Variants in PTPRM observed in about 807,000 individuals in gnomAD.
PTPRM encodes protein tyrosine phosphatase receptor type M, also known as receptor-type tyrosine-protein phosphatase mu.
A neutral mutation model predicts 186.7 loss-of-function variants in PTPRM; 47 were observed. That is an observed-to-expected ratio of 0.25 (90% CI 0.20 to 0.32). The LOEUF (loss-of-function observed/expected upper bound fraction) is 0.32, where lower values mean the gene tolerates loss of function less well. Among genes scored for constraint, PTPRM ranks in the 10% least tolerant of loss-of-function variants. The pLI, the probability that PTPRM is intolerant of heterozygous loss-of-function variation, is 1.00. For missense variants in PTPRM, 1,494 were observed against 1,865.0 expected (o/e 0.80, Z 3.66); for synonymous variants, 668 against 674.9 (o/e 0.99, Z 0.16).
At chr18:8,349,981 C>T (rs2095525789) in intron 23 of PTPRM, among the ~76,000 whole-genome samples, 1 of 152,194 alleles carries the variant, frequency 6.6e-6, no homozygotes, top group Non-Finnish European at 1.5e-5. Flanking sequence ...CCATTATCAA[C>T]TAAGACAGAA....
chr18:7,746,662 C>T (rs2040994885), intron 1 of PTPRM, among the ~76,000 whole-genome samples: 1 of 152,066 alleles, frequency 6.6e-6, no homozygotes, highest in Admixed American at 6.6e-5. Flanking sequence ...GATAGGGTTT[C>T]ACTATGTTGG....
chr18:7,712,127 ACAGGTGCCCCTCTGGG>A (rs2040226318), intron 1 of PTPRM, among the ~76,000 whole-genome samples: 1 of 152,122 alleles, frequency 6.6e-6, no homozygotes, highest in Non-Finnish European at 1.5e-5. Flanking sequence ...CTGGCATCTG[ACAGGTGCCCCTCTGGG>A]ACAAAGCTTC....
chr18:7,573,419 A>C (rs1567961404), intron 1 of PTPRM, among the ~76,000 whole-genome samples: 1 of 152,092 alleles, frequency 6.6e-6, no homozygotes, highest in Non-Finnish European at 1.5e-5. Context: ...CCTGCTGTCC[A>C]CGGGGAGCAT....
intron 14 of PTPRM, among the ~76,000 whole-genome samples, chr18:8,183,146 C>T (rs937641472): frequency 2.0e-5 from 3 of 152,186 alleles, no homozygotes; most frequent in Non-Finnish European, 4.4e-5. Context: ...TGGACTTCCT[C>T]GTTTCCAAAA....
chr18:7,893,572 A>G (rs958767703), intron 3 of PTPRM, among the ~76,000 whole-genome samples: 4 of 152,192 alleles, frequency 2.6e-5, no homozygotes, highest in Non-Finnish European at 5.9e-5. Flanking sequence ...GGCTACTACC[A>G]ACTCCTGATG....
chr18:7,825,539 GGGAGGAGAA>G (rs2045440497), intron 2 of PTPRM, among the ~76,000 whole-genome samples: 1 of 152,128 alleles, frequency 6.6e-6, no homozygotes. Context: ...AAGGATGTGA[GGGAGGAGAA>G]GACACAGGTT....
chr18:7,805,510 C>T (rs1003685405), intron 2 of PTPRM, among the ~76,000 whole-genome samples: 23 of 152,168 alleles, frequency 1.5e-4, no homozygotes, highest in Non-Finnish European at 3.1e-4. Flanking sequence ...AAGCTTGAAG[C>T]GTTTTGAGAG....
chr18:7,835,082 A>C (rs1304493100), intron 2 of PTPRM, among the ~76,000 whole-genome samples: 1 of 119,432 alleles, frequency 8.4e-6, no homozygotes, highest in Non-Finnish European at 1.8e-5. Context: ...GATCTTTGAT[A>C]TTCTTTATTT....
intron 14 of PTPRM, among the ~76,000 whole-genome samples, chr18:8,161,488 G>T (rs1026842418): frequency 2.0e-5 from 3 of 152,044 alleles, no homozygotes; most frequent in Non-Finnish European, 4.4e-5. Context: ...ATATTACAGT[G>T]TCACAAATCT....
intron 2 of PTPRM, among the ~76,000 whole-genome samples, chr18:7,841,710 T>C (rs1289807213): frequency 6.6e-6 from 1 of 152,168 alleles, no homozygotes; most frequent in Non-Finnish European, 1.5e-5. Context: ...GTGAAACTAG[T>C]CAGTTAACTA....
At position 8,253,400 on chromosome 18, in the gene PTPRM, A is replaced by G. The variant is rs1162755013; in HGVS notation, c.2740A>G (p.Lys914Glu). 2 of 1,530,076 alleles carry G rather than the reference A, an allele frequency of 1.3e-6. No individual in the cohort carries two copies. The highest frequency in any genetic ancestry group is 1.3e-5 in the South Asian group (1 of 77,922). 94.8% of individuals were successfully genotyped at this position (1,530,076 alleles called of 1,614,324 possible). ...QMKCAEGYGFKEEYESFFEGQ... is the reference protein window; with the variant it reads ...QMKCAEGYGFEEEYESFFEGQ... ...GAAGTGTGCGGAGGGCTACGGCTTC[A>G]AGGAGGAATACGAGGTGAGCACAAG... The change falls in exon 19 of 33, where the codon AAG becomes GAG. Residue 914 changes from lysine to glutamate, a missense_variant. Physicochemically the swap from Lys to Glu is moderately conservative, Grantham distance 56 (BLOSUM62 1). Transcript: ENST00000580170.
intron 11 of PTPRM, among the ~76,000 whole-genome samples, chr18:8,106,740 A>G (rs1292377416): frequency 3.9e-5 from 6 of 152,228 alleles, no homozygotes; most frequent in Non-Finnish European, 7.3e-5. Flanking sequence ...TGATGTCACA[A>G]CTTGCCTGAT....
intron 1 of PTPRM, among the ~76,000 whole-genome samples, chr18:7,656,633 G>A (rs2038856073): frequency 1.3e-5 from 2 of 152,130 alleles, no homozygotes; most frequent in South Asian, 4.2e-4. Flanking sequence ...GGTGGAGAGG[G>A]ATATAAGGTA....
At chr18:7,856,771 G>C (rs1268127344) in intron 2 of PTPRM, among the ~76,000 whole-genome samples, 1 of 151,388 alleles carries the variant, frequency 6.6e-6, no homozygotes. Flanking sequence ...TCAAGAGTGT[G>C]CCTGCTTTGA....
At chr18:7,745,999 A>G (rs2040977436) in intron 1 of PTPRM, among the ~76,000 whole-genome samples, 1 of 152,202 alleles carries the variant, frequency 6.6e-6, no homozygotes, top group Non-Finnish European at 1.5e-5. Flanking sequence ...TATGAGACAA[A>G]TGGACATGGT....
chr18:7,615,237 G>A (rs757264240), intron 1 of PTPRM, among the ~76,000 whole-genome samples: 3 of 151,792 alleles, frequency 2.0e-5, no homozygotes, highest in African/African-American at 7.3e-5. Context: ...AACAAAATTC[G>A]GGAACTGTAA....
intron 1 of PTPRM, among the ~76,000 whole-genome samples, chr18:7,645,331 C>T (rs1306734900): frequency 6.6e-6 from 1 of 152,104 alleles, no homozygotes; most frequent in Non-Finnish European, 1.5e-5. Flanking sequence ...ATCATCTTTC[C>T]ATTTTACTTA....
At chr18:7,973,293 T>G (rs992545917) in intron 7 of PTPRM, among the ~76,000 whole-genome samples, 1 of 152,200 alleles carries the variant, frequency 6.6e-6, no homozygotes, top group Admixed American at 6.5e-5. Flanking sequence ...CATTTAAGAC[T>G]TTAGTAGGTG....
chr18:8,049,258 A>C (rs2087292092), intron 7 of PTPRM: 1 of 152,220 alleles, frequency 6.6e-6, no homozygotes, highest in Non-Finnish European at 1.5e-5. Context: ...TTCTATAGTG[A>C]TGAACTTTAC....
Sources: allele counts gnomAD v4.1 joint callset (sites outside exome capture counted in the v4.1 genomes callset), GRCh38; gene constraint gnomAD v4.1.1; transcripts MANE v1.5; gene names NCBI Gene and HGNC (gene_info 2026-07-23, HGNC 2026-07-21).